Variants in KCNT1 observed in about 807,000 individuals in gnomAD.
KCNT1 encodes the protein potassium sodium-activated channel subfamily T member 1, also known as potassium channel subfamily T member 1.
Under a neutral mutation model 147.8 loss-of-function variants are expected in KCNT1, and 78 were observed. The observed-to-expected ratio is 0.53, with a 90% confidence interval of 0.44 to 0.64. The LOEUF is 0.64. KCNT1 is among the 30% of genes least tolerant of loss of function. KCNT1 has a pLI of 0.00. For synonymous variants in KCNT1, 867 were observed against 748.8 expected (o/e 1.16, Z -2.58); for missense variants, 1,419 against 1,750.3 (o/e 0.81, Z 3.38).
chr9:135,785,417 A>T (rs762793171), intron 28 of KCNT1, 87 bp downstream of exon 28: 26 of 1,032,026 alleles, frequency 2.5e-5, no homozygotes, highest in Non-Finnish European at 3.0e-5. Context: ...GGCCCCACCC[A>T]CCCACCCACC....
chr9:135,721,878 C>A (rs1482272070), intron 2 of KCNT1, among the ~76,000 whole-genome samples: 1 of 152,206 alleles, frequency 6.6e-6, no homozygotes, highest in Non-Finnish European at 1.5e-5. Context: ...GGAAGGTGGG[C>A]CTGAGTCAGG....
At chr9:135,791,970 C>T (rs1026403072) in intron 30 of KCNT1, 71 bp from the exon 31 acceptor site, 22 of 1,607,610 alleles carry the variant, frequency 1.4e-5, no homozygotes, top group Admixed American at 6.7e-5. Flanking sequence ...ACAGTGGGGC[C>T]GCTCAGCAGA....
chr9:135,778,389 C>G (rs1370881562), intron 21 of KCNT1, 35 bp from the exon 22 acceptor site: 1 of 1,542,262 alleles, frequency 6.5e-7, no homozygotes. Flanking sequence ...GGCCTTGAAG[C>G]AGGGTGGGCC....
chr9:135,751,123 CG>C, intron 4 of KCNT1, 82 bp downstream of exon 4: 5 of 1,308,278 alleles, frequency 3.8e-6, no homozygotes, highest in Non-Finnish European at 5.4e-6. Context: ...AAGCTGATGG[CG>C]TCCCTGGGGG....
intron 3 of KCNT1, 128 bp downstream of exon 3, chr9:135,750,305 T>G: frequency 2.0e-5 from 12 of 587,608 alleles, no homozygotes; most frequent in South Asian, 5.0e-5. Flanking sequence ...GCCACCTGAG[T>G]GCTGCGGGGG....
intron 29 of KCNT1, chr9:135,791,574 C>G (rs1834530020): frequency 1.8e-6 from 1 of 550,090 alleles, no homozygotes; most frequent in Admixed American, 3.1e-5. Context: ...AGAGCTGGCT[C>G]CCAGCTGCCC....
intron 29 of KCNT1, chr9:135,789,624 G>A (rs1834348029): frequency 6.6e-6 from 1 of 152,300 alleles, no homozygotes; most frequent in Non-Finnish European, 1.5e-5. Context: ...ATTCAGGCGG[G>A]AGTGACCGTG....
rs569644671 is a variant in KCNT1 at position 135,765,798 on chromosome 9, C to T, written c.1337+38C>T. On this transcript the variant is annotated intron_variant, in intron 13 of 30. Transcript: ENST00000371757. Reference sequence around the variant, plus strand: ...GGGCGGAGGGGGTGGCATGGGGGCACCTTCCTGAGTCAGGTCGGCTGCTCA... The same window carrying T: ...GGGCGGAGGGGGTGGCATGGGGGCATCTTCCTGAGTCAGGTCGGCTGCTCA... 2.3e-5 allele frequency: 35 copies of T among 1,535,160 alleles called. 1 individual carries two copies. The East Asian group carries it at 8.0e-4, about 35-fold the overall frequency.
At chr9:135,750,854 C>A in intron 3 of KCNT1, 88 bp from the exon 4 acceptor site, 1 of 1,226,158 alleles carries the variant, frequency 8.2e-7, no homozygotes, top group Non-Finnish European at 1.2e-6. Context: ...TGGGGCCATC[C>A]AGAGAGCCCA....
chr9:135,712,661 C>T (rs909651984), intron 1 of KCNT1, among the ~76,000 whole-genome samples: 2 of 152,196 alleles, frequency 1.3e-5, no homozygotes, highest in African/African-American at 2.4e-5. Context: ...TGTCCTCCTG[C>T]GATGGGCCCC....
At chr9:135,750,620 G>T (rs1400618329) in intron 3 of KCNT1, 1 of 499,902 alleles carries the variant, frequency 2.0e-6, no homozygotes, top group Non-Finnish European at 3.6e-6. Flanking sequence ...GACTTGGGGG[G>T]TTTCCCCAGG....
chr9:135,776,306 G>A (rs1833167342), intron 20 of KCNT1, among the ~76,000 whole-genome samples: 1 of 152,042 alleles, frequency 6.6e-6, no homozygotes, highest in Non-Finnish European at 1.5e-5. Context: ...CATCCAGGCT[G>A]GAGTGCAGTG....
Position 135,786,383 on chromosome 9 carries a change from A to G in KCNT1, c.3364A>G (p.Lys1122Glu). 6.3e-7 allele frequency: 1 copy of G among 1,577,480 alleles called. No homozygotes were observed. Among genetic ancestry groups the G allele is most frequent in the Non-Finnish European group, 8.6e-7 (1 of 1,162,604 alleles). ...WARRLSRKAP[K>E]QAGRAAAAEW... is the part of the protein sequence containing the mutation. ...CCGGAGGCTGAGCCGCAAGGCGCCC[A>G]AGCAGGCAGGCCGGGCGGCGGCCGC... The change falls in exon 29 of 31, where the codon AAG becomes GAG. Residue 1122 changes from lysine to glutamate, a missense_variant. Lys to Glu is a moderately conservative substitution (Grantham distance 56). Transcript: ENST00000371757.
intron 11 of KCNT1, among the ~76,000 whole-genome samples, chr9:135,763,857 G>A (rs569358566): frequency 6.6e-6 from 1 of 152,136 alleles, no homozygotes; most frequent in Non-Finnish European, 1.5e-5. Context: ...GAGGGTTGCC[G>A]TGCCATGCAG....
At chr9:135,733,792 A>G (rs1830225567) in intron 2 of KCNT1, among the ~76,000 whole-genome samples, 1 of 145,136 alleles carries the variant, frequency 6.9e-6, no homozygotes, top group Admixed American at 6.8e-5. Context: ...AGCCCCCCAT[A>G]GCACCAGGCG....
In KCNT1 at chr9:135,731,960, G is replaced by GGA. The variant is rs1554766096; in HGVS notation, c.254+17240_254+17241insGA. Among the ~76,000 whole-genome samples the GGA allele has an allele frequency of 2.4e-3, 101 of 41,420 alleles. 5 individuals are homozygous for GGA. The highest frequency in any genetic ancestry group is 8.4e-3 in the African/African-American group (94 of 11,238). The allele number at this position is 41,420 out of a possible 152,430, so 27.2% of individuals were successfully genotyped here. A position where few individuals can be genotyped will look rare whatever the true frequency, so the allele number is the denominator to read the frequency against. On this transcript the variant is annotated intron_variant, in intron 2 of 30. Transcript: ENST00000371757. Reference sequence around the variant, plus strand: ...ATCTAAATACTTTTCAAATATGCGTGTATATATATATATATATATATATAT... The same window carrying GGA: ...ATCTAAATACTTTTCAAATATGCGTGGATATATATATATATATATATATATAT...
chr9:135,737,355 C>T (rs1588287380), intron 2 of KCNT1, among the ~76,000 whole-genome samples: 1 of 152,140 alleles, frequency 6.6e-6, no homozygotes, highest in Non-Finnish European at 1.5e-5. Context: ...TTGGCTCTTC[C>T]GCAAGCTCAG....
chr9:135,744,827 C>A (rs1313310982), intron 2 of KCNT1, among the ~76,000 whole-genome samples: 2 of 152,194 alleles, frequency 1.3e-5, no homozygotes, highest in African/African-American at 2.4e-5. Context: ...CTGGGACCCC[C>A]TGGCCAGGCC....
intron 2 of KCNT1, among the ~76,000 whole-genome samples, chr9:135,747,169 G>C (rs576796135): frequency 6.6e-6 from 1 of 152,204 alleles, no homozygotes; most frequent in South Asian, 2.1e-4. Flanking sequence ...AACAGAGCTC[G>C]GGGAGGCCGT....
Sources: gnomAD v4.1 joint callset for allele counts (sites outside exome capture counted in the v4.1 genomes callset) on GRCh38, gnomAD v4.1.1 for gene constraint, MANE v1.5 for transcripts, NCBI Gene and HGNC (gene_info 2026-07-23, HGNC 2026-07-21) for gene names.